The following POLR2L variants were observed in gnomAD, a reference collection of about 807,000 sequenced individuals.
POLR2L encodes the protein DNA-directed RNA polymerases I, II, and III subunit RPABC5.
In POLR2L, 7 loss-of-function variants were observed where a neutral mutation model predicts 6.8. The observed-to-expected ratio is 1.03, with a 90% confidence interval of 0.59 to 1.94. POLR2L has a LOEUF of 1.94. POLR2L is among the 30% of genes most tolerant of loss of function. The pLI is 0.00. For missense variants in POLR2L, 93 were observed against 86.7 expected (o/e 1.07, Z -0.29); for synonymous variants, 59 against 39.8 (o/e 1.48, Z -1.82).
intron 1 of POLR2L, among the ~76,000 whole-genome samples, chr11:841,361 A>G (rs949964547): frequency 1.3e-5 from 2 of 152,244 alleles, no homozygotes; most frequent in South Asian, 2.1e-4. Context: ...CCAAGGGACA[A>G]GCACAGGAGA....
rs1209495697 is a variant in POLR2L at position 840,077 on chromosome 11, G to A, written c.*295C>T. The A allele has an allele frequency of 1.3e-5, 4 of 303,606 alleles. No individual in the cohort carries two copies. The highest frequency in any genetic ancestry group is 6.5e-5 in the African/African-American group (3 of 46,140). 18.8% of individuals were successfully genotyped at this position (303,606 alleles called of 1,614,324 possible). On this transcript the variant is annotated 3_prime_UTR_variant, in exon 2 of 2. Coordinates refer to ENST00000322028, the MANE Select transcript of POLR2L (RefSeq NM_021128.5). ...TCCTGGCAGCGCCTCCTGCAGGGGT[G>A]CCTGTGGAACAGGCTGGCCCCAGGG...
chr11:842,392 C>G, intron 1 of POLR2L, 22 bp downstream of exon 1: 16 of 1,557,834 alleles, frequency 1.0e-5, no homozygotes, highest in Non-Finnish European at 1.3e-5. Flanking sequence ...GACTCAGCCC[C>G]TAGCCCCGGC....
chr11:840,110 A>G lies in POLR2L; in HGVS notation c.*262T>C. 1 of 401,590 alleles carries G rather than the reference A, an allele frequency of 2.5e-6. No individual in the cohort carries two copies. The allele number at this position is 401,590 out of a possible 1,614,324, so 24.9% of individuals were successfully genotyped here. On this transcript the variant is annotated 3_prime_UTR_variant, in exon 2 of 2. Transcript: ENST00000322028. ...AACAGGCTGGCCCCAGGGCTAGGAG[A>G]GTTCATGGCCCAGTCTGCTTCACTG...
At position 840,141 on chromosome 11, in the gene POLR2L, CCA is replaced by C; in HGVS notation, c.*229_*230del. 1 of 475,288 alleles carries C rather than the reference CCA, an allele frequency of 2.1e-6. No individual in the cohort carries two copies. Among genetic ancestry groups the C allele is most frequent in the South Asian group, 2.9e-5 (1 of 35,028 alleles). 29.4% of individuals were successfully genotyped at this position (475,288 alleles called of 1,614,324 possible). ...TGGCCCAGTCTGCTTCACTGGGCTG[CCA>C]CAGTGTGAAAGCTGGGCCTAGACCT... On this transcript the variant is annotated 3_prime_UTR_variant, in exon 2 of 2. Transcript: ENST00000322028.
In POLR2L at chr11:842,280, A is replaced by T. The variant is rs866215200; in HGVS notation, c.95+134T>A. On this transcript the variant is annotated intron_variant, in intron 1 of 1. Coordinates refer to ENST00000322028, the MANE Select transcript of POLR2L (RefSeq NM_021128.5). ...GCGGGGCTGGAGAAGCCGGGCCTGAAGCTGCTCATGGGGCGCTGGCCTCAG... is the reference window on the plus strand; with the variant it reads ...GCGGGGCTGGAGAAGCCGGGCCTGATGCTGCTCATGGGGCGCTGGCCTCAG... 8.0e-4 allele frequency: 408 copies of T among 513,066 alleles called. 2 individuals carry two copies. The Middle Eastern group carries it at 0.015, about 19-fold the overall frequency. 31.8% of individuals were successfully genotyped at this position (513,066 alleles called of 1,614,324 possible).
At position 842,525 on chromosome 11, in the gene POLR2L, A is replaced by T. The variant is rs779657656; in HGVS notation, c.-17T>A. The T allele has an allele frequency of 3.2e-6, 5 of 1,560,962 alleles. No individual in the cohort carries two copies. The highest frequency in any genetic ancestry group is 4.3e-6 in the Non-Finnish European group (5 of 1,155,930). ...GATGATCATGGCGGCGGCGCGTCCC[A>T]GACTGCCCGGCCCGGCCCGGCCGCA... is the stretch of plus-strand genomic sequence containing the variant. On this transcript the variant is annotated 5_prime_UTR_variant, in exon 1 of 2. Coordinates refer to ENST00000322028, the MANE Select transcript of POLR2L (RefSeq NM_021128.5).
At position 840,299 on chromosome 11, in the gene POLR2L, T is replaced by C; in HGVS notation, c.*73A>G. On this transcript the variant is annotated 3_prime_UTR_variant, in exon 2 of 2. Coordinates refer to ENST00000322028, the MANE Select transcript of POLR2L (RefSeq NM_021128.5). ...GGCATTACGCCAGCTCCCGGATGCCTCAGCCTCGTGAATTCGGGGCAGGAC... is the reference window on the plus strand; with the variant it reads ...GGCATTACGCCAGCTCCCGGATGCCCCAGCCTCGTGAATTCGGGGCAGGAC... The C allele has an allele frequency of 1.0e-6, 1 of 960,456 alleles. No individual in the cohort carries two copies. Among genetic ancestry groups the C allele is most frequent in the Non-Finnish European group, 1.6e-6 (1 of 615,492 alleles). 59.5% of individuals were successfully genotyped at this position (960,456 alleles called of 1,614,324 possible).
chr11:841,130 A>G (rs1846954125), intron 1 of POLR2L, among the ~76,000 whole-genome samples: 1 of 152,228 alleles, frequency 6.6e-6, no homozygotes. Flanking sequence ...GCCACATGGG[A>G]GGCCCCTGCC....
chr11:840,448 T>C lies in POLR2L; in HGVS notation c.128A>G (p.Tyr43Cys), dbSNP rs1173593497. 1 of 1,611,900 alleles carries C rather than the reference T, an allele frequency of 6.2e-7. No individual in the cohort carries two copies. ...DALDALGLKR[Y>C]CCRRMLLAHV... The stretch of plus-strand genomic sequence containing the variant: ...GGCCAGCAGCATCCGGCGGCAGCAG[T>C]AGCGCTTCAGGCCCAGGGCATCCAG... Residue 43 changes from tyrosine (Y) to cysteine (C), a missense_variant, in exon 2 of 2, where the codon TAC becomes TGC. Coordinates refer to ENST00000322028, the MANE Select transcript of POLR2L (RefSeq NM_021128.5).
In POLR2L at chr11:842,429, G is replaced by C. The variant is rs1179407933; in HGVS notation, c.80C>G (p.Ala27Gly). The change falls in exon 1 of 2, where the codon GCC becomes GGC. Residue 27 changes from alanine to glycine, a missense_variant. Transcript: ENST00000322028. ...CGCGCCTCACCCCTCGGTGTACTCG[G>C]CCTGCAGCAGCCCCAGGTAAGCCTC... Reference protein sequence around the residue: ...KWEAYLGLLQAEYTEGDALDA... With the variant: ...KWEAYLGLLQGEYTEGDALDA... 3.1e-6 allele frequency: 5 copies of C among 1,591,940 alleles called. No individual in the cohort carries two copies. In the African/African-American group the frequency reaches 4.2e-5, roughly 13 times the overall value.
rs1363598078 is a variant in POLR2L, at chr11:842,505, T to C, written c.4A>G (p.Ile2Val). M[I>V]IPVRCFTCGK... ...CAAGTGAAGCAGCGTACAGGGATGA[T>C]CATGGCGGCGGCGCGTCCCAGACTG... Residue 2 changes from isoleucine (I) to valine (V), a missense_variant, in exon 1 of 2, where the codon ATC becomes GTC. Physicochemically the swap from Ile to Val is conservative, Grantham distance 29 (BLOSUM62 3). Coordinates refer to ENST00000322028, the MANE Select transcript of POLR2L (RefSeq NM_021128.5). 3.8e-6 allele frequency: 6 copies of C among 1,575,500 alleles called. No individual in the cohort carries two copies. Among genetic ancestry groups the C allele is most frequent in the African/African-American group, 2.8e-5 (2 of 71,102 alleles).
At chr11:841,465 ACT>A (rs981681253) in intron 1 of POLR2L, among the ~76,000 whole-genome samples, 7 of 151,632 alleles carry the variant, frequency 4.6e-5, no homozygotes, top group African/African-American at 1.2e-4. Context: ...ACGGAGTTTC[ACT>A]CTCTCTTCCA....
At chr11:840,582 C>CT in intron 1 of POLR2L, 102 bp from the exon 2 acceptor site, 1 of 729,180 alleles carries the variant, frequency 1.4e-6, no homozygotes, top group South Asian at 1.5e-5. Flanking sequence ...GGCCTCACCC[C>CT]CCCCGCCACC....
intron 1 of POLR2L, among the ~76,000 whole-genome samples, chr11:841,898 CAAAAAA>C (rs1294827388): frequency 6.6e-6 from 1 of 151,982 alleles, no homozygotes; most frequent in Non-Finnish European, 1.5e-5. Flanking sequence ...GACTCCGTCT[CAAAAAA>C]GAAAAATAAA....
Position 842,473 on chromosome 11 carries a change from C to T in POLR2L, c.36G>A (p.Lys12=), listed in dbSNP as rs908615144. The T allele has an allele frequency of 6.3e-7, 1 of 1,597,282 alleles. No individual in the cohort carries two copies. The highest frequency in any genetic ancestry group is 8.5e-7 in the Non-Finnish European group (1 of 1,173,520). The part of the protein sequence containing the change: ...IIPVRCFTCG[K]IVGNKWEAYL... ...AAGCCTCCCACTTGTTGCCGACGATCTTGCCACAAGTGAAGCAGCGTACAG... is the reference window on the plus strand; with the variant it reads ...AAGCCTCCCACTTGTTGCCGACGATTTTGCCACAAGTGAAGCAGCGTACAG... The change falls in exon 1 of 2, where the codon AAG becomes AAA. Residue 12 remains lysine, a synonymous_variant. Transcript: ENST00000322028.
chr11:840,176 G>A lies in POLR2L; in HGVS notation c.*196C>T. ...AAAGCTGGGCCTAGACCTGGCTCCT[G>A]ACATCCTAGTGAGGGCTGGGACCTT... On this transcript the variant is annotated 3_prime_UTR_variant, in exon 2 of 2. Coordinates refer to ENST00000322028, the MANE Select transcript of POLR2L (RefSeq NM_021128.5). 1.9e-6 allele frequency: 1 copy of A among 533,472 alleles called. No homozygotes were observed. The highest frequency in any genetic ancestry group is 3.3e-6 in the Non-Finnish European group (1 of 301,398). 33.0% of individuals were successfully genotyped at this position (533,472 alleles called of 1,614,324 possible). A position where few individuals can be genotyped will look rare whatever the true frequency, so the allele number is the denominator to read the frequency against.
Position 841,766 on chromosome 11 carries a change from G to A in POLR2L, c.95+648C>T, listed in dbSNP as rs1590213765. On this transcript the variant is annotated intron_variant, in intron 1 of 1. Coordinates refer to ENST00000322028, the MANE Select transcript of POLR2L (RefSeq NM_021128.5). ...ATACAAAAATTAGCCGGGCGTGGTGGCACACGCCTGTAGTCCCAGCTACTC... is the reference window on the plus strand; with the variant it reads ...ATACAAAAATTAGCCGGGCGTGGTGACACACGCCTGTAGTCCCAGCTACTC... Among the ~76,000 whole-genome samples, 4 of 151,986 alleles carry A rather than the reference G, an allele frequency of 2.6e-5. No homozygotes were observed. In the South Asian group the frequency reaches 8.4e-4, roughly 32 times the overall value.
At chr11:842,380 C>G (rs1565122813) in intron 1 of POLR2L, 34 bp downstream of exon 1, 9 of 1,504,620 alleles carry the variant, frequency 6.0e-6, no homozygotes, top group East Asian at 5.3e-5. Context: ...CGCCCCACGG[C>G]GGACTCAGCC....
rs1847006121 is a variant in POLR2L at position 842,526 on chromosome 11, G to A, written c.-18C>T. 7 of 1,562,512 alleles carry A rather than the reference G, an allele frequency of 4.5e-6. No homozygotes were observed. The highest frequency in any genetic ancestry group is 5.2e-6 in the Non-Finnish European group (6 of 1,156,354). On this transcript the variant is annotated 5_prime_UTR_variant, in exon 1 of 2. Coordinates refer to ENST00000322028, the MANE Select transcript of POLR2L (RefSeq NM_021128.5). ...ATGATCATGGCGGCGGCGCGTCCCAGACTGCCCGGCCCGGCCCGGCCGCAC... is the reference window on the plus strand; with the variant it reads ...ATGATCATGGCGGCGGCGCGTCCCAAACTGCCCGGCCCGGCCCGGCCGCAC...
Sources: gnomAD v4.1 joint callset for allele counts (sites outside exome capture counted in the v4.1 genomes callset) on GRCh38, gnomAD v4.1.1 for gene constraint, MANE v1.5 for transcripts, NCBI Gene and HGNC (gene_info 2026-07-23, HGNC 2026-07-21) for gene names.